The following DCTN5 variants were observed in gnomAD, a reference collection of about 807,000 sequenced individuals.
The protein encoded by DCTN5 is dynactin 4.
A neutral mutation model predicts 23.5 loss-of-function variants in DCTN5; 14 were observed. That is an observed-to-expected ratio of 0.60 (90% confidence interval 0.39 to 0.93). The LOEUF (loss-of-function observed/expected upper bound fraction) is 0.93. DCTN5 is among the 40% of genes least tolerant of loss of function. The pLI, the probability that DCTN5 is intolerant of heterozygous loss-of-function variation, is 0.00. For missense variants in DCTN5, 156 were observed against 225.9 expected (o/e 0.69, Z 1.98); for synonymous variants, 67 against 79.6 (o/e 0.84, Z 0.84).
chr16:23,647,507 T>A (rs567694252), intron 2 of DCTN5, among the ~76,000 whole-genome samples: 2 of 151,332 alleles, frequency 1.3e-5, no homozygotes, highest in South Asian at 2.1e-4. Context: ...TTTTTTTTTT[T>A]AATTTTTTTT....
chr16:23,652,245 G>T (rs374019071), intron 2 of DCTN5, among the ~76,000 whole-genome samples: 1 of 152,186 alleles, frequency 6.6e-6, no homozygotes. Flanking sequence ...TATATATCAG[G>T]AGTTCCCCAC....
At chr16:23,650,922 G>A (rs1046025378) in intron 2 of DCTN5, 2 of 1,401,770 alleles carry the variant, frequency 1.4e-6, no homozygotes, top group Non-Finnish European at 9.8e-7. Context: ...GGTTGTTACT[G>A]TGTGGGAATA....
chr16:23,655,811 CT>C (rs1253622971), intron 2 of DCTN5, among the ~76,000 whole-genome samples: 3 of 152,174 alleles, frequency 2.0e-5, no homozygotes, highest in East Asian at 1.9e-4. Flanking sequence ...TCCCAAAGTA[CT>C]AGAATTACAG....
intron 3 of DCTN5, among the ~76,000 whole-genome samples, chr16:23,659,136 C>T (rs1967765624): frequency 6.6e-6 from 1 of 152,172 alleles, no homozygotes; most frequent in African/African-American, 2.4e-5. Context: ...AGGCTTCCAG[C>T]AGACACCAAC....
At chr16:23,653,075 G>A (rs1597117928) in intron 2 of DCTN5, among the ~76,000 whole-genome samples, 1 of 152,146 alleles carries the variant, frequency 6.6e-6, no homozygotes, top group Non-Finnish European at 1.5e-5. Context: ...CTGGGAGGTC[G>A]AGGCTGCAGT....
At chr16:23,651,717 A>C (rs961280337) in intron 2 of DCTN5, among the ~76,000 whole-genome samples, 2 of 152,184 alleles carry the variant, frequency 1.3e-5, no homozygotes, top group East Asian at 3.9e-4. Flanking sequence ...TTAAGCTTGA[A>C]GAGTACATCT....
chr16:23,643,186 G>GT (rs199556350), intron 2 of DCTN5, among the ~76,000 whole-genome samples, 163 bp downstream of exon 2: 95 of 147,618 alleles, frequency 6.4e-4, no homozygotes, highest in Middle Eastern at 3.5e-3. Flanking sequence ...TCTCCTTTTT[G>GT]TTTTTTTTTT....
intron 2 of DCTN5, among the ~76,000 whole-genome samples, chr16:23,652,711 T>C (rs1375275173): frequency 6.6e-6 from 1 of 152,190 alleles, no homozygotes; most frequent in African/African-American, 2.4e-5. Flanking sequence ...CTAATATAGA[T>C]TAGTTTTGCA....
rs1472607004 is a variant in DCTN5 at position 23,674,344 on chromosome 16, T to C, written c.*7200T>C. On this transcript the variant is annotated 3_prime_UTR_variant, in exon 6 of 6. Transcript: ENST00000300087. ...TCAAGCTGCTGATAGGCTCTTTGTC[T>C]CTAATACAGAGGCTAATTGCATTCC... is the stretch of plus-strand genomic sequence containing the variant. 6.6e-6 allele frequency: 1 copy of C among 152,236 alleles called. No homozygotes were observed. The highest frequency in any genetic ancestry group is 2.1e-4 in the South Asian group (1 of 4,828). 9.4% of individuals were successfully genotyped at this position (152,236 alleles called of 1,614,324 possible). A position where few individuals can be genotyped will look rare whatever the true frequency, so the allele number is the denominator to read the frequency against.
chr16:23,651,251 ACCT>A (rs1260227066), intron 2 of DCTN5: 5 of 972,962 alleles, frequency 5.1e-6, no homozygotes, highest in Non-Finnish European at 4.9e-6. Context: ...AAGGGCAGCC[ACCT>A]CCTTTCATTT....
At chr16:23,641,681 AC>A in intron 1 of DCTN5, 91 bp downstream of exon 1, 1 of 1,336,584 alleles carries the variant, frequency 7.5e-7, no homozygotes, top group Non-Finnish European at 1.1e-6. Flanking sequence ...TACCCCACCA[AC>A]CCCTGTCCCT....
At chr16:23,646,008 A>G (rs1191096067) in intron 2 of DCTN5, among the ~76,000 whole-genome samples, 1 of 152,106 alleles carries the variant, frequency 6.6e-6, no homozygotes, top group Non-Finnish European at 1.5e-5. Context: ...AAACTGACAA[A>G]TTTTTTTCCA....
chr16:23,677,409 A>T lies in DCTN5; in HGVS notation c.*10265A>T, dbSNP rs1023927556. ...CTCTATGAACAATTATAATATGTAC[A>T]TTTTTTTCTGTAAGTGTATTAAATT... On this transcript the variant is annotated 3_prime_UTR_variant, in exon 6 of 6. Transcript: ENST00000300087. The T allele has an allele frequency of 2.0e-5, 3 of 152,070 alleles. No individual in the cohort carries two copies. Among genetic ancestry groups the T allele is most frequent in the African/African-American group, 7.2e-5 (3 of 41,394 alleles). 9.4% of individuals were successfully genotyped at this position (152,070 alleles called of 1,614,324 possible).
chr16:23,647,042 G>A (rs766321828), intron 2 of DCTN5, among the ~76,000 whole-genome samples: 1 of 151,926 alleles, frequency 6.6e-6, no homozygotes, highest in Non-Finnish European at 1.5e-5. Flanking sequence ...AGATTTATTT[G>A]TGAACTCTCA....
chr16:23,641,517 G>A lies in DCTN5; in HGVS notation c.-26G>A. The A allele has an allele frequency of 6.2e-7, 1 of 1,613,976 alleles. No individual in the cohort carries two copies. The highest frequency in any genetic ancestry group is 8.5e-7 in the Non-Finnish European group (1 of 1,179,912). ...TGACCGACTGACTCTGACAGGATCC[G>A]GGGCTGAGGGAAGGAGGCGGCGGCC... On this transcript the variant is annotated 5_prime_UTR_variant, in exon 1 of 6. Transcript: ENST00000300087.
rs1026050340 is a variant in DCTN5 at position 23,659,001 on chromosome 16, T to G, written c.236+376T>G. ...CCTCTCTGTATCTGAGACTGTATTT[T>G]TTCTTCTATACTGCCCTTCTCTCTG... is the stretch of plus-strand genomic sequence containing the variant. On this transcript the variant is annotated intron_variant, in intron 3 of 5. Coordinates refer to ENST00000300087, the MANE Select transcript of DCTN5 (RefSeq NM_032486.4). Among the ~76,000 whole-genome samples the G allele has an allele frequency of 8.5e-5, 13 of 152,172 alleles. 1 individual carries two copies. Among genetic ancestry groups the G allele is most frequent in the Non-Finnish European group, 1.9e-4 (13 of 68,026 alleles).
Position 23,645,125 on chromosome 16 carries a change from A to T in DCTN5, c.117+2102A>T, listed in dbSNP as rs1312304122. On this transcript the variant is annotated intron_variant, in intron 2 of 5. Transcript: ENST00000300087. ...TATATATATATATATATATATATATATATATATATATATTTTTTTTTTTTT... is the reference window on the plus strand; with the variant it reads ...TATATATATATATATATATATATATTTATATATATATATTTTTTTTTTTTT... Among the ~76,000 whole-genome samples the T allele has an allele frequency of 2.8e-3, 89 of 31,784 alleles. 5 individuals carry two copies. The highest frequency in any genetic ancestry group is 0.014 in the African/African-American group (82 of 5,680). The allele number at this position is 31,784 out of a possible 152,430, so 20.9% of individuals were successfully genotyped here.
chr16:23,662,756 C>T (rs1365070706), intron 4 of DCTN5, among the ~76,000 whole-genome samples: 3 of 152,212 alleles, frequency 2.0e-5, no homozygotes, highest in Non-Finnish European at 2.9e-5. Context: ...AAAAGCTAGC[C>T]TTCCAGCTGG....
Position 23,641,475 on chromosome 16 carries a change from C to T in DCTN5, c.-68C>T, listed in dbSNP as rs890546426. 9 of 1,593,078 alleles carry T rather than the reference C, an allele frequency of 5.6e-6. No homozygotes were observed. In the African/African-American group the frequency reaches 8.1e-5, roughly 14 times the overall value. ...AAGTGGAGGAGCGGCCGGAAGTAGC[C>T]GGAATCTCTGAAAGACTGACCGACT... On this transcript the variant is annotated 5_prime_UTR_variant, in exon 1 of 6. Coordinates refer to ENST00000300087, the MANE Select transcript of DCTN5 (RefSeq NM_032486.4).
Sources: allele counts gnomAD v4.1 joint callset (sites outside exome capture counted in the v4.1 genomes callset), GRCh38; gene constraint gnomAD v4.1.1; transcripts MANE v1.5; gene names NCBI Gene and HGNC (gene_info 2026-07-23, HGNC 2026-07-21).